Variants in FAM168A observed in about 807,000 individuals in gnomAD.
FAM168A encodes the protein family with sequence similarity 168 member A.
In FAM168A, 3 loss-of-function variants were observed where a neutral mutation model predicts 28.5. The ratio of observed to expected loss-of-function variants is 0.11; its 90% CI spans 0.05 to 0.27. The LOEUF (loss-of-function observed/expected upper bound fraction) is 0.27, where lower values mean the gene tolerates loss of function less well. FAM168A is among the 10% of genes least tolerant of loss of function. The probability of loss-of-function intolerance (pLI) is 1.00; values close to 1 mark genes in which losing one functional copy is unlikely to be tolerated. For missense variants in FAM168A, 222 were observed against 311.5 expected (o/e 0.71, Z 2.16); for synonymous variants, 122 against 124.2 (o/e 0.98, Z 0.12).
At chr11:73,588,289 T>G (rs1240765000) in intron 1 of FAM168A, among the ~76,000 whole-genome samples, 3 of 152,232 alleles carry the variant, frequency 2.0e-5, no homozygotes, top group Non-Finnish European at 4.4e-5. Context: ...CAGTATTGGT[T>G]GCCTATGATA....
At chr11:73,578,261 AT>A (rs1208573718) in intron 1 of FAM168A, among the ~76,000 whole-genome samples, 1 of 152,170 alleles carries the variant, frequency 6.6e-6, no homozygotes, top group Non-Finnish European at 1.5e-5. Flanking sequence ...AGAAAAGCCG[AT>A]AGGTGGTTGC....
intron 1 of FAM168A, among the ~76,000 whole-genome samples, chr11:73,565,169 T>C (rs1015514215): frequency 6.6e-6 from 1 of 152,174 alleles, no homozygotes; most frequent in Non-Finnish European, 1.5e-5. Flanking sequence ...ACAAAGACCC[T>C]GACAACCTTA....
intron 1 of FAM168A, among the ~76,000 whole-genome samples, chr11:73,496,630 G>A (rs544617990): frequency 9.2e-5 from 14 of 152,216 alleles, no homozygotes; most frequent in African/African-American, 2.4e-4. Flanking sequence ...GCGCGATCTC[G>A]GCTTGCTGCA....
Position 73,484,556 on chromosome 11 carries a change from A to ATATATCTATATATCTATC in FAM168A, c.-18-16065_-18-16064insGATAGATATATAGATATA, listed in dbSNP as rs1565265727. 2.2e-4 allele frequency among the ~76,000 whole-genome samples: 31 copies of ATATATCTATATATCTATC among 143,846 alleles called. 1 individual carries two copies. Among genetic ancestry groups the ATATATCTATATATCTATC allele is most frequent in the South Asian group, 2.1e-4 (1 of 4,730 alleles). The allele number at this position is 143,846 out of a possible 152,430, so 94.4% of individuals were successfully genotyped here. Reference sequence around the variant, plus strand: ...TATATCTATATATCTATCTATATCTATATATCTATATATCTATATATCGAT... The same window carrying ATATATCTATATATCTATC: ...TATATCTATATATCTATCTATATCTATATATCTATATATCTATCTATATCTATATATCTATATATCGAT... On this transcript the variant is annotated intron_variant, in intron 1 of 7. Transcript: ENST00000356467.
intron 3 of FAM168A, among the ~76,000 whole-genome samples, chr11:73,424,272 G>A (rs1195154951): frequency 6.6e-6 from 1 of 152,202 alleles, no homozygotes; most frequent in African/African-American, 2.4e-5. Context: ...AGTTGAGAAA[G>A]GGTGCAGAAA....
chr11:73,520,327 C>G (rs529577078), intron 1 of FAM168A, among the ~76,000 whole-genome samples: 50 of 152,126 alleles, frequency 3.3e-4, no homozygotes, highest in African/African-American at 1.2e-3. Context: ...GGATTACAGG[C>G]GTGAGCCACC....
intron 1 of FAM168A, among the ~76,000 whole-genome samples, chr11:73,500,138 T>C (rs1377438944): frequency 1.3e-5 from 2 of 151,830 alleles, no homozygotes; most frequent in Admixed American, 6.6e-5. Context: ...CCAGGTCACC[T>C]ACAAAGGGAA....
At position 73,449,263 on chromosome 11, in the gene FAM168A, C is replaced by T. The variant is rs147149414; in HGVS notation, c.71-18493G>A. ...GGGATTACAGGCATGAGGCACCGCA[C>T]CTGGCCTAAGCTACTGTTAATCAAG... On this transcript the variant is annotated intron_variant, in intron 2 of 7. Coordinates refer to ENST00000356467, the MANE Select transcript of FAM168A (RefSeq NM_015159.3). Among the ~76,000 whole-genome samples, 300 of 152,316 alleles carry T rather than the reference C, an allele frequency of 2.0e-3. 4 individuals carry two copies. The highest frequency in any genetic ancestry group is 6.6e-3 in the African/African-American group (274 of 41,576).
chr11:73,505,461 T>C (rs1489747128), intron 1 of FAM168A, among the ~76,000 whole-genome samples: 1 of 152,284 alleles, frequency 6.6e-6, no homozygotes, highest in East Asian at 1.9e-4. Flanking sequence ...ATGCCCAACA[T>C]ATAAAAACTA....
At chr11:73,580,171 C>T (rs1375478684) in intron 1 of FAM168A, 4 of 408,372 alleles carry the variant, frequency 9.8e-6, no homozygotes, top group African/African-American at 8.4e-5. Flanking sequence ...GTGAGAACGA[C>T]CCCCAGACCA....
At chr11:73,522,743 T>G (rs1166072801) in intron 1 of FAM168A, among the ~76,000 whole-genome samples, 1 of 147,874 alleles carries the variant, frequency 6.8e-6, no homozygotes, top group Non-Finnish European at 1.5e-5. Context: ...CCAGGCATGG[T>G]GGCTCACGCC....
At chr11:73,419,027 G>A (rs1397242245) in intron 4 of FAM168A, among the ~76,000 whole-genome samples, 1 of 152,040 alleles carries the variant, frequency 6.6e-6, no homozygotes, top group Non-Finnish European at 1.5e-5. Context: ...AGCCAGGATG[G>A]TCTCAATCTC....
intron 1 of FAM168A, among the ~76,000 whole-genome samples, chr11:73,577,607 A>T (rs573135685): frequency 9.2e-5 from 14 of 152,284 alleles, no homozygotes; most frequent in African/African-American, 3.1e-4. Context: ...TGATCCTCTC[A>T]ACAAACTTCT....
chr11:73,436,221 C>T (rs1015038387), intron 2 of FAM168A, among the ~76,000 whole-genome samples: 1 of 151,990 alleles, frequency 6.6e-6, no homozygotes, highest in Non-Finnish European at 1.5e-5. Context: ...CTTGTTGGTA[C>T]TAGGATTAGG....
chr11:73,451,140 G>A (rs1867421353), intron 2 of FAM168A, among the ~76,000 whole-genome samples: 1 of 152,198 alleles, frequency 6.6e-6, no homozygotes, highest in South Asian at 2.1e-4. Context: ...TACAGGTTGA[G>A]TTGAGATACT....
At chr11:73,449,848 C>CAAG (rs2134545275) in intron 2 of FAM168A, among the ~76,000 whole-genome samples, 1 of 152,308 alleles carries the variant, frequency 6.6e-6, no homozygotes, top group African/African-American at 2.4e-5. Flanking sequence ...TTGGAGGTAA[C>CAAG]AAGAAGTATG....
intron 1 of FAM168A, among the ~76,000 whole-genome samples, chr11:73,469,304 A>AT (rs1867780443): frequency 1.3e-5 from 2 of 152,206 alleles, no homozygotes; most frequent in African/African-American, 4.8e-5. Flanking sequence ...TTTCCTTACT[A>AT]TATAGCCTGA....
At chr11:73,544,954 A>G (rs1299634286) in intron 1 of FAM168A, among the ~76,000 whole-genome samples, 1 of 92,282 alleles carries the variant, frequency 1.1e-5, no homozygotes, top group Non-Finnish European at 1.9e-5. Flanking sequence ...TATATAATAT[A>G]TTATATATAA....
At chr11:73,462,605 G>A (rs1359777229) in intron 2 of FAM168A, among the ~76,000 whole-genome samples, 3 of 152,198 alleles carry the variant, frequency 2.0e-5, no homozygotes, top group Non-Finnish European at 4.4e-5. Flanking sequence ...GCTGAGAGCG[G>A]TGGCTCATAC....
Sources: gnomAD v4.1 joint callset for allele counts (sites outside exome capture counted in the v4.1 genomes callset) on GRCh38, gnomAD v4.1.1 for gene constraint, MANE v1.5 for transcripts, NCBI Gene and HGNC (gene_info 2026-07-23, HGNC 2026-07-21) for gene names.